The following NKAIN3 variants were observed in gnomAD, a reference collection of about 807,000 sequenced individuals.
The protein encoded by NKAIN3 is sodium/potassium-transporting ATPase subunit beta-1-interacting protein 3.
In NKAIN3, 25 loss-of-function variants were observed where a neutral mutation model predicts 30.2. The observed-to-expected ratio is 0.83, with a 90% CI of 0.60 to 1.16. The LOEUF (loss-of-function observed/expected upper bound fraction) is 1.16. NKAIN3 is among the 50% of genes most tolerant of loss of function. The pLI is 0.00. For missense variants in NKAIN3, 225 were observed against 254.1 expected, an observed-to-expected ratio of 0.89 and a Z score of 0.78; for synonymous variants, 91 against 89.6, an observed-to-expected ratio of 1.02 and a Z score of -0.09.
intron 4 of NKAIN3, among the ~76,000 whole-genome samples, chr8:62,780,627 T>C (rs1360220954): frequency 6.6e-6 from 1 of 152,050 alleles, no homozygotes; most frequent in Non-Finnish European, 1.5e-5. Flanking sequence ...AAGAAATGGT[T>C]CAAAATATGA....
chr8:62,314,571 C>T (rs1814551165), intron 1 of NKAIN3, among the ~76,000 whole-genome samples: 1 of 152,164 alleles, frequency 6.6e-6, no homozygotes. Flanking sequence ...CAAATATTTC[C>T]TGGCTCCAAT....
intron 4 of NKAIN3, among the ~76,000 whole-genome samples, chr8:62,770,314 A>C (rs1186146180): frequency 6.6e-6 from 1 of 152,226 alleles, no homozygotes; most frequent in African/African-American, 2.4e-5. Context: ...GCAATAGCAG[A>C]GGATAGGAGA....
chr8:62,591,955 A>G (rs1011945499), intron 3 of NKAIN3, among the ~76,000 whole-genome samples: 1 of 152,010 alleles, frequency 6.6e-6, no homozygotes, highest in South Asian at 2.1e-4. Flanking sequence ...TTTATATACT[A>G]ACTTTCTAGA....
intron 3 of NKAIN3, among the ~76,000 whole-genome samples, chr8:62,616,233 A>G (rs1398649497): frequency 6.6e-6 from 1 of 152,098 alleles, no homozygotes; most frequent in Non-Finnish European, 1.5e-5. Flanking sequence ...GAGCTAGCAT[A>G]GACCCCACAG....
chr8:62,551,656 G>T (rs1809215713), intron 1 of NKAIN3, among the ~76,000 whole-genome samples: 1 of 152,188 alleles, frequency 6.6e-6, no homozygotes. Flanking sequence ...AAATGAGTTT[G>T]TAATGGGTCC....
At chr8:62,651,198 G>C (rs1812610072) in intron 3 of NKAIN3, among the ~76,000 whole-genome samples, 1 of 151,272 alleles carries the variant, frequency 6.6e-6, no homozygotes, top group Admixed American at 6.6e-5. Context: ...ATTTTTTACA[G>C]AACAATGCTG....
At chr8:62,995,250 G>T (rs758311807) in intron 5 of NKAIN3, among the ~76,000 whole-genome samples, 1 of 152,214 alleles carries the variant, frequency 6.6e-6, no homozygotes, top group Non-Finnish European at 1.5e-5. Flanking sequence ...TTAGATGGGC[G>T]TGGCAGAAGC....
In NKAIN3 at chr8:62,966,442, A is replaced by T; in HGVS notation, c.*1035A>T. 4 of 936,938 alleles carry T rather than the reference A, an allele frequency of 4.3e-6. No homozygotes were observed. The highest frequency in any genetic ancestry group is 5.1e-6 in the Non-Finnish European group (4 of 785,686). The allele number at this position is 936,938 out of a possible 1,614,324, so 58.0% of individuals were successfully genotyped here. A position where few individuals can be genotyped will look rare whatever the true frequency, so the allele number is the denominator to read the frequency against. On this transcript the variant is annotated 3_prime_UTR_variant, in exon 7 of 7. Transcript: ENST00000623646. Reference sequence around the variant, plus strand: ...CAGTTGTATTTTTTTAACTGGCATAAAACTTACATATGGTAAAATGCACAA... The same window carrying T: ...CAGTTGTATTTTTTTAACTGGCATATAACTTACATATGGTAAAATGCACAA...
At chr8:62,471,325 A>G (rs1328578595) in intron 1 of NKAIN3, among the ~76,000 whole-genome samples, 1 of 151,866 alleles carries the variant, frequency 6.6e-6, no homozygotes, top group Non-Finnish European at 1.5e-5. Context: ...AATGATCTGG[A>G]GCAAATTGCA....
intron 4 of NKAIN3, among the ~76,000 whole-genome samples, chr8:62,805,434 G>A (rs1203382350): frequency 3.9e-5 from 6 of 152,036 alleles, no homozygotes; most frequent in Non-Finnish European, 5.9e-5. Flanking sequence ...AAACAGCATG[G>A]TACTGGTACC....
chr8:62,256,641 G>C (rs544832236), intron 1 of NKAIN3, among the ~76,000 whole-genome samples: 16 of 152,286 alleles, frequency 1.1e-4, no homozygotes, highest in African/African-American at 3.8e-4. Flanking sequence ...GCGGTAGGCT[G>C]TCTGCTCTTT....
chr8:62,738,625 T>C (rs1020531771), intron 3 of NKAIN3, among the ~76,000 whole-genome samples: 23 of 151,328 alleles, frequency 1.5e-4, no homozygotes, highest in African/African-American at 5.6e-4. Context: ...AAAAGTCCTC[T>C]TTTGAGTAGT....
intron 1 of NKAIN3, among the ~76,000 whole-genome samples, chr8:62,527,669 A>G (rs1365296187): frequency 6.6e-6 from 1 of 152,136 alleles, no homozygotes. Context: ...TTAAGAAGCA[A>G]TGTTTTAGAA....
At chr8:62,832,299 A>G (rs932731346) in intron 4 of NKAIN3, among the ~76,000 whole-genome samples, 4 of 143,810 alleles carry the variant, frequency 2.8e-5, no homozygotes, top group Non-Finnish European at 6.1e-5. Context: ...ACACACACAC[A>G]CACACTCTTA....
chr8:62,779,280 C>G lies in NKAIN3; in HGVS notation c.471+32151C>G, dbSNP rs149698282. Among the ~76,000 whole-genome samples the G allele has an allele frequency of 3.3e-5, 5 of 152,240 alleles. No individual in the cohort carries two copies. In the East Asian group the frequency reaches 9.7e-4, roughly 29 times the overall value. On this transcript the variant is annotated intron_variant, in intron 4 of 6. Transcript: ENST00000623646. ...CACCAAAGTCCACACAGCACTAAAGCTTGCCCAGGAGCGCAGTCCTTATGC... is the reference window on the plus strand; with the variant it reads ...CACCAAAGTCCACACAGCACTAAAGGTTGCCCAGGAGCGCAGTCCTTATGC...
chr8:62,543,966 T>C (rs763688714), intron 1 of NKAIN3, among the ~76,000 whole-genome samples: 9 of 152,098 alleles, frequency 5.9e-5, no homozygotes, highest in Non-Finnish European at 1.3e-4. Context: ...AGAGTCCCAT[T>C]AATCAAAGGG....
intron 4 of NKAIN3, among the ~76,000 whole-genome samples, chr8:62,823,910 C>T (rs1444504724): frequency 1.3e-5 from 2 of 152,148 alleles, no homozygotes; most frequent in Non-Finnish European, 2.9e-5. Context: ...AACAAGCTCG[C>T]TGGTGGAAAG....
At chr8:62,355,920 G>A (rs1012187686) in intron 1 of NKAIN3, among the ~76,000 whole-genome samples, 2 of 152,092 alleles carry the variant, frequency 1.3e-5, no homozygotes, top group Non-Finnish European at 2.9e-5. Context: ...TTACATCTGT[G>A]TTGTGAATAT....
chr8:62,851,690 C>T (rs1206140195), intron 4 of NKAIN3, among the ~76,000 whole-genome samples: 1 of 152,074 alleles, frequency 6.6e-6, no homozygotes, highest in African/African-American at 2.4e-5. Context: ...TTGTCAAAGG[C>T]CTTTTCTGCA....
Sources: allele counts gnomAD v4.1 joint callset (sites outside exome capture counted in the v4.1 genomes callset), GRCh38; gene constraint gnomAD v4.1.1; transcripts MANE v1.5; gene names NCBI Gene and HGNC (gene_info 2026-07-23, HGNC 2026-07-21).